ADCK1: variants seen among roughly 807,000 people sequenced by gnomAD.
ADCK1 encodes aarF domain-containing protein kinase 1.
ADCK1 carries 41 observed loss-of-function variants against 52.3 expected under a neutral mutation model. That is an observed-to-expected ratio of 0.78 (90% confidence interval 0.61 to 1.02). The LOEUF (loss-of-function observed/expected upper bound fraction) is 1.02. ADCK1 is among the 50% of genes least tolerant of loss of function. The pLI, the probability that ADCK1 is intolerant of heterozygous loss-of-function variation, is 0.00. For missense variants in ADCK1, 658 were observed against 679.5 expected, an observed-to-expected ratio of 0.97 and a Z score of 0.35; for synonymous variants, 250 against 274.6, an observed-to-expected ratio of 0.91 and a Z score of 0.89.
chr14:77,918,683 A>G (rs1430903818), intron 7 of ADCK1, among the ~76,000 whole-genome samples: 1 of 152,246 alleles, frequency 6.6e-6, no homozygotes, highest in East Asian at 1.9e-4. Context: ...GCTGTTATCC[A>G]ACACTTAGAA....
intron 4 of ADCK1, among the ~76,000 whole-genome samples, chr14:77,863,286 G>A (rs2082590726): frequency 6.6e-6 from 1 of 152,130 alleles, no homozygotes; most frequent in South Asian, 2.1e-4. Context: ...TGCCTAATAG[G>A]CTGAATATTT....
intron 7 of ADCK1, among the ~76,000 whole-genome samples, chr14:77,920,633 A>G (rs2084027089): frequency 6.6e-6 from 1 of 152,062 alleles, no homozygotes; most frequent in Admixed American, 6.6e-5. Context: ...TTCATTCTGT[A>G]TTTATTTAGT....
chr14:77,849,131 G>A (rs1193944840), intron 3 of ADCK1, among the ~76,000 whole-genome samples: 2 of 152,178 alleles, frequency 1.3e-5, no homozygotes, highest in African/African-American at 2.4e-5. Context: ...CCCGGCCACA[G>A]TGGCATAATT....
At chr14:77,895,234 C>G (rs2083384101) in intron 5 of ADCK1, among the ~76,000 whole-genome samples, 2 of 152,186 alleles carry the variant, frequency 1.3e-5, no homozygotes, top group South Asian at 4.1e-4. Flanking sequence ...GGTTCTAGAT[C>G]AAGTAGAGAA....
At chr14:77,905,718 G>T (rs1008582140) in intron 6 of ADCK1, among the ~76,000 whole-genome samples, 4 of 152,098 alleles carry the variant, frequency 2.6e-5, no homozygotes, top group African/African-American at 9.7e-5. Context: ...AGAGGCTGAG[G>T]CAGGAGGATC....
chr14:77,852,015 T>C (rs2082293805), intron 3 of ADCK1, among the ~76,000 whole-genome samples: 1 of 152,024 alleles, frequency 6.6e-6, no homozygotes, highest in African/African-American at 2.4e-5. Flanking sequence ...ATTTTTTTTT[T>C]TGAGACAGAG....
chr14:77,875,841 C>T (rs186641070), intron 4 of ADCK1, among the ~76,000 whole-genome samples: 3 of 152,260 alleles, frequency 2.0e-5, no homozygotes, highest in African/African-American at 4.8e-5. Flanking sequence ...CAAGTGTCCT[C>T]GCCTGGCATG....
At chr14:77,906,380 G>T (rs2083665565) in intron 6 of ADCK1, among the ~76,000 whole-genome samples, 1 of 152,190 alleles carries the variant, frequency 6.6e-6, no homozygotes, top group African/African-American at 2.4e-5. Flanking sequence ...TGGCTGTGGG[G>T]GTACTGGTGG....
intron 3 of ADCK1, among the ~76,000 whole-genome samples, chr14:77,857,335 G>A (rs2082440397): frequency 2.0e-5 from 3 of 152,174 alleles, no homozygotes; most frequent in South Asian, 2.1e-4. Flanking sequence ...GCAAATTTAT[G>A]GGGTACATGG....
chr14:77,900,086 G>GAAAA (rs10656507), intron 6 of ADCK1, among the ~76,000 whole-genome samples: 34,008 of 142,098 alleles, frequency 0.24, 5,069 homozygotes, highest in African/African-American at 0.37. Context: ...AAAAAAAAAA[G>GAAAA]AAAATTCATC....
At chr14:77,846,665 G>A (rs2038588583) in intron 3 of ADCK1, among the ~76,000 whole-genome samples, 1 of 152,218 alleles carries the variant, frequency 6.6e-6, no homozygotes, top group South Asian at 2.1e-4. Context: ...TGCTGAGAAA[G>A]GGCAGAGTGG....
At chr14:77,886,946 A>AC (rs2083166381) in intron 4 of ADCK1, 145 bp from the exon 5 acceptor site, 6 of 656,254 alleles carry the variant, frequency 9.1e-6, no homozygotes, top group South Asian at 3.3e-5. Context: ...ACACACGCAC[A>AC]ACACACACAC....
intron 3 of ADCK1, among the ~76,000 whole-genome samples, chr14:77,852,529 T>TA (rs1312025791): frequency 6.6e-6 from 1 of 151,238 alleles, no homozygotes; most frequent in African/African-American, 2.4e-5. Context: ...ATAAATTGTT[T>TA]AAAAATATTA....
At chr14:77,840,150 GC>G (rs1458371070) in intron 3 of ADCK1, among the ~76,000 whole-genome samples, 1 of 152,068 alleles carries the variant, frequency 6.6e-6, no homozygotes, top group African/African-American at 2.4e-5. Context: ...TAATACAGTA[GC>G]TTCCTATGAC....
At chr14:77,834,984 A>T (rs552864070) in intron 3 of ADCK1, among the ~76,000 whole-genome samples, 7 of 151,966 alleles carry the variant, frequency 4.6e-5, no homozygotes, top group Non-Finnish European at 1.0e-4. Flanking sequence ...TGCTTTCCCC[A>T]CTGAAAACCT....
chr14:77,893,888 C>T (rs2083338044), intron 5 of ADCK1, among the ~76,000 whole-genome samples: 1 of 152,076 alleles, frequency 6.6e-6, no homozygotes, highest in Non-Finnish European at 1.5e-5. Context: ...TATCTGCCAC[C>T]ACGCCTGGCT....
intron 4 of ADCK1, among the ~76,000 whole-genome samples, chr14:77,874,829 G>A (rs1049902634): frequency 6.6e-6 from 1 of 152,148 alleles, no homozygotes; most frequent in African/African-American, 2.4e-5. Context: ...CCTGTGGTAA[G>A]TGCCCTAGAC....
intron 8 of ADCK1, among the ~76,000 whole-genome samples, chr14:77,925,378 G>C (rs540845621): frequency 2.6e-4 from 40 of 152,336 alleles, no homozygotes; most frequent in African/African-American, 8.7e-4. Flanking sequence ...TGGCGGCAGG[G>C]TGAGGGCTTG....
At chr14:77,821,468 A>T (rs2081580799) in intron 2 of ADCK1, among the ~76,000 whole-genome samples, 1 of 152,124 alleles carries the variant, frequency 6.6e-6, no homozygotes, top group Admixed American at 6.5e-5. Context: ...GGTCCCAGTT[A>T]CTCAATTCTA....
Sources: allele counts gnomAD v4.1 joint callset (sites outside exome capture counted in the v4.1 genomes callset), GRCh38; gene constraint gnomAD v4.1.1; transcripts MANE v1.5; gene names NCBI Gene and HGNC (gene_info 2026-07-23, HGNC 2026-07-21).